The following KIAA0586 variants were observed in gnomAD, a reference collection of about 807,000 sequenced individuals.
The protein encoded by KIAA0586 is KIAA0586, also known as protein TALPID3.
KIAA0586 carries 144 observed loss-of-function variants against 169.8 expected under a neutral mutation model. That is an observed-to-expected ratio of 0.85 (90% CI 0.74 to 0.97). The LOEUF (loss-of-function observed/expected upper bound fraction) is 0.97, where lower values mean the gene tolerates loss of function less well. Among genes scored for constraint, KIAA0586 ranks in the 50% least tolerant of loss-of-function variants. The pLI, the probability that KIAA0586 is intolerant of heterozygous loss-of-function variation, is 0.00. For synonymous variants in KIAA0586, 625 were observed against 612.4 expected (o/e 1.02, Z -0.30); for missense variants, 1,854 against 1,823.0 (o/e 1.02, Z -0.31).
chr14:58,456,591 T>C, intron 9 of KIAA0586, 111 bp from the exon 10 acceptor site: 2 of 597,930 alleles, frequency 3.3e-6, no homozygotes, highest in Non-Finnish European at 6.0e-6. Context: ...TTTAGTAATA[T>C]AGCTAAGACT....
chr14:58,478,912 G>T (rs1475745567), intron 20 of KIAA0586, among the ~76,000 whole-genome samples: 1 of 152,128 alleles, frequency 6.6e-6, no homozygotes, highest in Non-Finnish European at 1.5e-5. Flanking sequence ...TGTAGTAATA[G>T]TATAATGTAT....
intron 29 of KIAA0586, among the ~76,000 whole-genome samples, chr14:58,537,926 C>T (rs1238306258): frequency 1.3e-5 from 2 of 152,200 alleles, no homozygotes; most frequent in South Asian, 2.1e-4. Context: ...GGATTACAGG[C>T]GTGAGCCACC....
chr14:58,427,813 G>A lies in KIAA0586; in HGVS notation c.-452G>A. On this transcript the variant is annotated 5_prime_UTR_variant, in exon 1 of 31. Transcript: ENST00000652326. The stretch of plus-strand genomic sequence containing the variant: ...TGTTTCCGACGATTGCATCTGGAGG[G>A]GTGTGTAAGACTCTGTGGCTGAAGA... 6.7e-7 allele frequency: 1 copy of A among 1,492,340 alleles called. No homozygotes were observed. Among genetic ancestry groups the A allele is most frequent in the Non-Finnish European group, 8.9e-7 (1 of 1,125,334 alleles). The allele number at this position is 1,492,340 out of a possible 1,614,324, so 92.4% of individuals were successfully genotyped here.
chr14:58,507,009 G>A (rs972788105), intron 27 of KIAA0586, among the ~76,000 whole-genome samples: 3 of 151,786 alleles, frequency 2.0e-5, no homozygotes, highest in Non-Finnish European at 2.9e-5. Context: ...TTATCCAAGT[G>A]TGGTAGCGCA....
At chr14:58,540,216 TAATC>T in intron 30 of KIAA0586, 80 bp downstream of exon 30, 1 of 774,824 alleles carries the variant, frequency 1.3e-6, no homozygotes, top group Non-Finnish European at 2.2e-6. Context: ...TCTCTCATAA[TAATC>T]AACACAGTAG....
chr14:58,545,229 T>G (rs2046906151), intron 30 of KIAA0586, among the ~76,000 whole-genome samples: 1 of 152,258 alleles, frequency 6.6e-6, no homozygotes, highest in Middle Eastern at 3.2e-3. Context: ...GATGAAAACG[T>G]ATTTACAAAA....
intron 30 of KIAA0586, among the ~76,000 whole-genome samples, chr14:58,546,446 C>T (rs1297562055): frequency 6.6e-6 from 1 of 152,128 alleles, no homozygotes; most frequent in African/African-American, 2.4e-5. Flanking sequence ...TATGTTATTA[C>T]TGTAGAAACT....
chr14:58,556,141 G>A (rs560738604), downstream of KIAA0586, among the ~76,000 whole-genome samples: 37 of 152,306 alleles, frequency 2.4e-4, no homozygotes, highest in African/African-American at 8.4e-4. Flanking sequence ...ACAGTTATGA[G>A]CAATTCCAAA....
intron 3 of KIAA0586, among the ~76,000 whole-genome samples, chr14:58,431,293 C>T (rs1242370826): frequency 6.6e-6 from 1 of 152,060 alleles, no homozygotes; most frequent in African/African-American, 2.4e-5. Context: ...GACGGAGTCT[C>T]CCTCTGTTGT....
chr14:58,447,441 A>ATATTT (rs142310844), intron 6 of KIAA0586, among the ~76,000 whole-genome samples: 59,253 of 129,742 alleles, frequency 0.46, 14,705 homozygotes, highest in East Asian at 0.76. Context: ...CTCATTTCAG[A>ATATTT]TATTTTATTT....
At chr14:58,512,098 C>G (rs2044430693) in intron 28 of KIAA0586, among the ~76,000 whole-genome samples, 1 of 152,102 alleles carries the variant, frequency 6.6e-6, no homozygotes, top group South Asian at 2.1e-4. Flanking sequence ...TATATAAAAG[C>G]TCTTCGAAAA....
intron 30 of KIAA0586, among the ~76,000 whole-genome samples, chr14:58,543,389 C>T (rs1328178370): frequency 6.6e-6 from 1 of 152,208 alleles, no homozygotes; most frequent in Non-Finnish European, 1.5e-5. Context: ...TTGTTTTCTT[C>T]ACTGCTGTAT....
rs1470460599 is a variant in KIAA0586 at position 58,487,071 on chromosome 14, C to G, written c.3209C>G (p.Ala1070Gly). The G allele has an allele frequency of 1.2e-6, 2 of 1,613,360 alleles. No homozygotes were observed. Among genetic ancestry groups the G allele is most frequent in the Non-Finnish European group, 1.7e-6 (2 of 1,179,342 alleles). ...CCTCCTTGCTCACCTTCATCACCTGCTAAGGAGTGTGTTTTGGTAAAGACT... is the reference window on the plus strand; with the variant it reads ...CCTCCTTGCTCACCTTCATCACCTGGTAAGGAGTGTGTTTTGGTAAAGACT... The part of the protein sequence containing the change: ...PTPPCSPSSP[A>G]KECVLVKTPD... The change falls in exon 22 of 31, where the codon GCT (alanine) becomes GGT (glycine). Residue 1070 changes from alanine to glycine, a missense_variant. By Grantham distance (60) the Ala-to-Gly change is moderately conservative. Transcript: ENST00000652326.
rs985406679 is a variant in KIAA0586, at chr14:58,476,275, T to A, written c.2826-848T>A. Reference sequence around the variant, plus strand: ...ACACCTATTATTTATATAATAATTTTTAAGAAGTCTATTAACTGCACTAAA... The same window carrying A: ...ACACCTATTATTTATATAATAATTTATAAGAAGTCTATTAACTGCACTAAA... On this transcript the variant is annotated intron_variant, in intron 19 of 30. Coordinates refer to ENST00000652326, the MANE Select transcript of KIAA0586 (RefSeq NM_001329943.3). 3.9e-5 allele frequency among the ~76,000 whole-genome samples: 6 copies of A among 152,344 alleles called. No individual in the cohort carries two copies. The South Asian group carries it at 1.2e-3, about 32-fold the overall frequency.
rs1261570658 is a variant in KIAA0586 at position 58,441,142 on chromosome 14, A to AAAAATAGTCAC, written c.411-1560_411-1550dup. On this transcript the variant is annotated intron_variant, in intron 4 of 30. Transcript: ENST00000652326. ...AATTATACCTCAGTAAAGTGGGATA[A>AAAAATAGTCAC]AAAATAGTCACAAAGTGTACATCAA... The AAAAATAGTCAC allele has an allele frequency of 4.5e-5, 10 of 220,860 alleles. No individual in the cohort carries two copies. In the East Asian group the frequency reaches 1.1e-3, roughly 23 times the overall value. 13.7% of individuals were successfully genotyped at this position (220,860 alleles called of 1,614,324 possible). A position where few individuals can be genotyped will look rare whatever the true frequency, so the allele number is the denominator to read the frequency against.
intron 21 of KIAA0586, among the ~76,000 whole-genome samples, chr14:58,485,518 G>A (rs943594038): frequency 6.6e-6 from 1 of 152,020 alleles, no homozygotes; most frequent in African/African-American, 2.4e-5. Context: ...CTTTAATAGA[G>A]CAGTCCCACT....
chr14:58,460,047 A>G lies in KIAA0586; in HGVS notation c.1861A>G (p.Ser621Gly). 1.3e-6 allele frequency: 2 copies of G among 1,525,618 alleles called. No individual in the cohort carries two copies. Among genetic ancestry groups the G allele is most frequent in the Non-Finnish European group, 1.8e-6 (2 of 1,139,870 alleles). 94.5% of individuals were successfully genotyped at this position (1,525,618 alleles called of 1,614,324 possible). ...NLPMRGMPASSLQKERKEGLL... is the reference protein window; with the variant it reads ...NLPMRGMPASGLQKERKEGLL... ...ACCTATGAGGGGCATGCCTGCTTCA[A>G]GTTTACAGAAAGAGAGAAAGGAAGT... Residue 621 changes from serine (S) to glycine (G), a missense_variant, in exon 13 of 31, where the codon AGT becomes GGT. Coordinates refer to ENST00000652326, the MANE Select transcript of KIAA0586 (RefSeq NM_001329943.3).
At chr14:58,488,148 A>C (rs2042600147) in intron 23 of KIAA0586, 39 bp downstream of exon 23, 1 of 1,439,140 alleles carries the variant, frequency 6.9e-7, no homozygotes, top group African/African-American at 1.4e-5. Context: ...GTACATTTCA[A>C]CTTATGTTTG....
rs1309669818 is a variant in KIAA0586 at position 58,427,844 on chromosome 14, A to G, written c.-421A>G. On this transcript the variant is annotated 5_prime_UTR_variant, in exon 1 of 31. Coordinates refer to ENST00000652326, the MANE Select transcript of KIAA0586 (RefSeq NM_001329943.3). The stretch of plus-strand genomic sequence containing the variant: ...TAAGACTCTGTGGCTGAAGAAAGCT[A>G]TTACGCTTCTTATGTGGGTCATTAT... 3.5e-6 allele frequency: 5 copies of G among 1,419,976 alleles called. No individual in the cohort carries two copies. The African/African-American group carries it at 4.3e-5, about 12-fold the overall frequency. The allele number at this position is 1,419,976 out of a possible 1,614,324, so 88.0% of individuals were successfully genotyped here.
Sources: allele counts gnomAD v4.1 joint callset (sites outside exome capture counted in the v4.1 genomes callset), GRCh38; gene constraint gnomAD v4.1.1; transcripts MANE v1.5; gene names NCBI Gene and HGNC (gene_info 2026-07-23, HGNC 2026-07-21).